The following HIBADH variants were observed in gnomAD, a reference collection of about 807,000 sequenced individuals.
The protein encoded by HIBADH is 3-hydroxyisobutyrate dehydrogenase, also known as 3-hydroxyisobutyrate dehydrogenase, mitochondrial.
Under a neutral mutation model 36.1 loss-of-function variants are expected in HIBADH, and 25 were observed. The observed-to-expected ratio is 0.69, with a 90% CI of 0.50 to 0.97. The LOEUF is 0.97. Among genes scored for constraint, HIBADH ranks in the 50% least tolerant of loss-of-function variants. HIBADH has a pLI of 0.00. For missense variants in HIBADH, 421 were observed against 418.0 expected (o/e 1.01, Z -0.06); for synonymous variants, 160 against 149.5 (o/e 1.07, Z -0.51).
chr7:27,558,463 G>C (rs1165847772), intron 4 of HIBADH, among the ~76,000 whole-genome samples: 1 of 152,024 alleles, frequency 6.6e-6, no homozygotes, highest in African/African-American at 2.4e-5. Flanking sequence ...AAATAGCTGG[G>C]ACCACAGACA....
chr7:27,632,842 T>A (rs956376523), intron 2 of HIBADH, among the ~76,000 whole-genome samples: 1 of 152,050 alleles, frequency 6.6e-6, no homozygotes, highest in African/African-American at 2.4e-5. Context: ...GTAACTCAAC[T>A]GTAGGATTCA....
chr7:27,582,737 C>T (rs554217318), intron 4 of HIBADH, among the ~76,000 whole-genome samples: 3 of 152,228 alleles, frequency 2.0e-5, no homozygotes, highest in East Asian at 1.9e-4. Context: ...GGGCGAGCTG[C>T]TCTTTGTGTC....
chr7:27,531,167 T>G (rs764273166), intron 7 of HIBADH, 25 bp downstream of exon 7: 9 of 1,600,564 alleles, frequency 5.6e-6, no homozygotes, highest in Non-Finnish European at 7.7e-6. Context: ...TTTCCTTCTC[T>G]CTTGGGTGTC....
At chr7:27,568,686 G>C (rs938658220) in intron 4 of HIBADH, among the ~76,000 whole-genome samples, 1 of 152,036 alleles carries the variant, frequency 6.6e-6, no homozygotes, top group Non-Finnish European at 1.5e-5. Context: ...GGCCAGGCTG[G>C]TCTCAAACTC....
chr7:27,565,374 TGTAA>T (rs2128187337), intron 4 of HIBADH, among the ~76,000 whole-genome samples: 1 of 152,338 alleles, frequency 6.6e-6, no homozygotes, highest in South Asian at 2.1e-4. Flanking sequence ...TCTTGGGAAC[TGTAA>T]GTAATAAACT....
intron 4 of HIBADH, among the ~76,000 whole-genome samples, chr7:27,602,690 TA>T (rs201566375): frequency 1.3e-5 from 2 of 152,148 alleles, no homozygotes; most frequent in African/African-American, 4.8e-5. Flanking sequence ...CGTCAGTCTT[TA>T]AAAAAAATTT....
At chr7:27,594,683 G>A (rs568852213) in intron 4 of HIBADH, among the ~76,000 whole-genome samples, 206 of 152,114 alleles carry the variant, frequency 1.4e-3, no homozygotes, top group African/African-American at 4.7e-3. Context: ...CTGAGCGAGG[G>A]AAAAAGAGCA....
intron 4 of HIBADH, among the ~76,000 whole-genome samples, chr7:27,608,499 A>G (rs1205830328): frequency 6.6e-6 from 1 of 152,206 alleles, no homozygotes; most frequent in Non-Finnish European, 1.5e-5. Flanking sequence ...AAACCTCAAG[A>G]AAATCGGACT....
intron 6 of HIBADH, among the ~76,000 whole-genome samples, chr7:27,533,567 A>G (rs773443278): frequency 5.3e-5 from 8 of 152,146 alleles, no homozygotes; most frequent in Non-Finnish European, 1.0e-4. Flanking sequence ...TCTGGCACAT[A>G]CATAACTGAC....
At chr7:27,580,626 T>C (rs906415257) in intron 4 of HIBADH, among the ~76,000 whole-genome samples, 1 of 152,198 alleles carries the variant, frequency 6.6e-6, no homozygotes, top group Non-Finnish European at 1.5e-5. Flanking sequence ...ACCAGAAAGA[T>C]TCATTTGTTC....
chr7:27,629,067 AT>A (rs927508362), intron 4 of HIBADH, among the ~76,000 whole-genome samples: 13 of 151,180 alleles, frequency 8.6e-5, no homozygotes, highest in African/African-American at 2.4e-4. Context: ...ATTTAAGCTG[AT>A]TTTTTTTTCA....
intron 4 of HIBADH, among the ~76,000 whole-genome samples, chr7:27,572,352 A>G (rs1314234486): frequency 6.6e-6 from 1 of 152,242 alleles, no homozygotes; most frequent in Non-Finnish European, 1.5e-5. Flanking sequence ...TAATATACCT[A>G]GTCTACCATA....
intron 2 of HIBADH, among the ~76,000 whole-genome samples, chr7:27,637,998 C>T (rs2128295428): frequency 6.6e-6 from 1 of 152,182 alleles, no homozygotes; most frequent in African/African-American, 2.4e-5. Context: ...GGCCATATTG[C>T]CCAAAGCAAT....
At chr7:27,655,668 C>T (rs1786285778) in intron 1 of HIBADH, among the ~76,000 whole-genome samples, 6 of 152,046 alleles carry the variant, frequency 3.9e-5, no homozygotes. Context: ...TGTAAAATAA[C>T]TTTACAATCT....
At chr7:27,615,493 T>C (rs748267099) in intron 4 of HIBADH, among the ~76,000 whole-genome samples, 9 of 152,214 alleles carry the variant, frequency 5.9e-5, no homozygotes, top group African/African-American at 7.2e-5. Flanking sequence ...ACTACCGCCA[T>C]GCACTGCATA....
chr7:27,599,776 A>G (rs1290738645), intron 4 of HIBADH, among the ~76,000 whole-genome samples: 1 of 151,580 alleles, frequency 6.6e-6, no homozygotes, highest in Non-Finnish European at 1.5e-5. Flanking sequence ...TAAAACATTC[A>G]GTTTTTTTTT....
chr7:27,615,926 T>C (rs960289188), intron 4 of HIBADH, among the ~76,000 whole-genome samples: 1 of 152,054 alleles, frequency 6.6e-6, no homozygotes, highest in Non-Finnish European at 1.5e-5. Flanking sequence ...AGACAAGATG[T>C]AGAAGTGAAA....
At chr7:27,552,285 G>A (rs1460190028) in intron 4 of HIBADH, among the ~76,000 whole-genome samples, 2 of 152,066 alleles carry the variant, frequency 1.3e-5, no homozygotes, top group African/African-American at 2.4e-5. Flanking sequence ...GGGGTGATCT[G>A]GTTTAACATA....
At chr7:27,580,883 C>G (rs1433392264) in intron 4 of HIBADH, among the ~76,000 whole-genome samples, 1 of 152,130 alleles carries the variant, frequency 6.6e-6, no homozygotes, top group Non-Finnish European at 1.5e-5. Context: ...AGGCTGACTT[C>G]AGAGACCACT....
Sources: allele counts gnomAD v4.1 joint callset (sites outside exome capture counted in the v4.1 genomes callset), GRCh38; gene constraint gnomAD v4.1.1; transcripts MANE v1.5; gene names NCBI Gene and HGNC (gene_info 2026-07-23, HGNC 2026-07-21).